Variants in ZC3H3 observed in about 807,000 individuals in gnomAD.
The protein encoded by ZC3H3 is zinc finger CCCH domain-containing protein 3.
A neutral mutation model predicts 77.3 loss-of-function variants in ZC3H3; 36 were observed. That is an observed-to-expected ratio of 0.47 (90% CI 0.36 to 0.61). The LOEUF is 0.61. Among genes scored for constraint, ZC3H3 ranks in the 20% least tolerant of loss-of-function variants. The pLI is 0.00. For synonymous variants in ZC3H3, 626 were observed against 555.2 expected, an observed-to-expected ratio of 1.13 and a Z score of -1.79; for missense variants, 1,331 against 1,312.2, an observed-to-expected ratio of 1.01 and a Z score of -0.22.
chr8:143,522,394 G>A (rs140536446), intron 3 of ZC3H3, among the ~76,000 whole-genome samples: 3 of 152,220 alleles, frequency 2.0e-5, no homozygotes, highest in Non-Finnish European at 4.4e-5. Context: ...CCTGAGGTCA[G>A]GAGTTCGAGA....
intron 9 of ZC3H3, among the ~76,000 whole-genome samples, chr8:143,465,300 C>A (rs573988422): frequency 6.7e-6 from 1 of 150,370 alleles, no homozygotes; most frequent in African/African-American, 2.5e-5. Flanking sequence ...CCCGTCCACC[C>A]CCTGCCTTCC....
intron 4 of ZC3H3, chr8:143,484,416 A>G (rs1007328235): frequency 1.3e-5 from 2 of 153,584 alleles, no homozygotes; most frequent in Admixed American, 6.5e-5. Context: ...GCTCACATCT[A>G]TTCAATTGGT....
At chr8:143,540,968 G>C (rs568273311) in intron 1 of ZC3H3, among the ~76,000 whole-genome samples, 1 of 152,324 alleles carries the variant, frequency 6.6e-6, no homozygotes, top group African/African-American at 2.4e-5. Flanking sequence ...AAAAAACCGG[G>C]CGTCAAGGAA....
At chr8:143,470,281 G>T (rs1820527590) in intron 5 of ZC3H3, among the ~76,000 whole-genome samples, 1 of 152,258 alleles carries the variant, frequency 6.6e-6, no homozygotes, top group East Asian at 1.9e-4. Context: ...TGAGTGGCCA[G>T]CGAGCCCGGC....
intron 3 of ZC3H3, among the ~76,000 whole-genome samples, chr8:143,516,955 C>T (rs747652513): frequency 1.7e-4 from 26 of 152,316 alleles, no homozygotes; most frequent in African/African-American, 2.9e-4. Flanking sequence ...CGCTGTCAGC[C>T]GCCCTGTCCC....
At position 143,536,339 on chromosome 8, in the gene ZC3H3, G is replaced by A; in HGVS notation, c.1479C>T (p.Thr493=). 1.9e-6 allele frequency: 3 copies of A among 1,610,416 alleles called. No homozygotes were observed. Among genetic ancestry groups the A allele is most frequent in the Non-Finnish European group, 2.5e-6 (3 of 1,178,836 alleles). Residue 493 remains threonine (T), a synonymous_variant, in exon 3 of 12, where the codon ACC becomes ACT. Transcript: ENST00000262577. ...TGACCTGTACCAGGCCCTTGTTGGG[G>A]GTCTTCTTCAGGACAGGGCTGCTCT... The part of the protein sequence containing the change: ...RGKSSPVLKK[T]PNKGLVQVTT...
chr8:143,438,451 G>A (rs1445968827), intron 11 of ZC3H3, among the ~76,000 whole-genome samples: 1 of 152,190 alleles, frequency 6.6e-6, no homozygotes, highest in Non-Finnish European at 1.5e-5. Flanking sequence ...CACAGCACCA[G>A]ACTGCCCTGC....
rs1822574788 is a variant in ZC3H3, at chr8:143,530,705, G to A, written c.1561+5552C>T. 6.6e-6 allele frequency among the ~76,000 whole-genome samples: 1 copy of A among 152,174 alleles called. No homozygotes were observed. Among genetic ancestry groups the A allele is most frequent in the African/African-American group, 2.4e-5 (1 of 41,442 alleles). ...CTGGCCCCACTTCCCCCGCACCACA[G>A]TGAGAGCCTGGCCACAGTGCTCAGC... On this transcript the variant is annotated intron_variant, in intron 3 of 11. Transcript: ENST00000262577. The surrounding 1 kb of genome is among the most constrained non-coding windows in gnomAD (Gnocchi z 4.3).
chr8:143,516,428 C>A (rs1822045150), intron 3 of ZC3H3, among the ~76,000 whole-genome samples: 1 of 151,980 alleles, frequency 6.6e-6, no homozygotes, highest in Non-Finnish European at 1.5e-5. Flanking sequence ...AGAGCAGAGA[C>A]CTGCTCGCTG....
Position 143,536,605 on chromosome 8 carries a change from CA to C in ZC3H3, c.1365-153del. Reference sequence around the variant, plus strand: ...TTTCTGGACCCTGCCTCCCTCAGCCCATGGCGGCCCTGCCCACCCTCCACAG... The same window carrying C: ...TTTCTGGACCCTGCCTCCCTCAGCCCTGGCGGCCCTGCCCACCCTCCACAG... On this transcript the variant is annotated intron_variant, in intron 2 of 11. Coordinates refer to ENST00000262577, the MANE Select transcript of ZC3H3 (RefSeq NM_015117.3). The C allele has an allele frequency of 7.6e-6, 6 of 785,906 alleles. No individual in the cohort carries two copies. In the South Asian group the frequency reaches 1.3e-4, roughly 16 times the overall value. 48.7% of individuals were successfully genotyped at this position (785,906 alleles called of 1,614,324 possible). A position where few individuals can be genotyped will look rare whatever the true frequency, so the allele number is the denominator to read the frequency against.
At chr8:143,517,750 C>T (rs746230838) in intron 3 of ZC3H3, among the ~76,000 whole-genome samples, 5 of 152,158 alleles carry the variant, frequency 3.3e-5, no homozygotes, top group Admixed American at 6.5e-5. Flanking sequence ...GGAGCTCTGC[C>T]GGATTGAGAA....
In ZC3H3 at chr8:143,516,544, CACACACACACACACACACACACAT is replaced by C. The variant is rs1278814823; in HGVS notation, c.1562-8669_1562-8646del. On this transcript the variant is annotated intron_variant, in intron 3 of 11. Coordinates refer to ENST00000262577, the MANE Select transcript of ZC3H3 (RefSeq NM_015117.3). ...TTGCAATCACACACACACACACACA[CACACACACACACACACACACACAT>C]ACACACACACACTCACTCTCATGCA... Among the ~76,000 whole-genome samples, 405 of 142,076 alleles carry C rather than the reference CACACACACACACACACACACACAT, an allele frequency of 2.9e-3. 1 individual carries two copies. Among genetic ancestry groups the C allele is most frequent in the African/African-American group, 0.01 (378 of 36,564 alleles). 93.2% of individuals were successfully genotyped at this position (142,076 alleles called of 152,430 possible). A position where few individuals can be genotyped will look rare whatever the true frequency, so the allele number is the denominator to read the frequency against.
Position 143,440,916 on chromosome 8 carries a change from AG to A in ZC3H3, c.2492+19del, listed in dbSNP as rs1819723422. ...GGGGGCCACCCAGGCTCACATGCAC[AG>A]TGCCCACTGCCCCATCACCTGGGCC... On this transcript the variant is annotated intron_variant, in intron 10 of 11. Coordinates refer to ENST00000262577, the MANE Select transcript of ZC3H3 (RefSeq NM_015117.3). The A allele has an allele frequency of 7.1e-7, 1 of 1,408,790 alleles. No homozygotes were observed. The highest frequency in any genetic ancestry group is 2.8e-5 in the East Asian group (1 of 35,874). 87.3% of individuals were successfully genotyped at this position (1,408,790 alleles called of 1,614,324 possible). A position where few individuals can be genotyped will look rare whatever the true frequency, so the allele number is the denominator to read the frequency against.
At chr8:143,511,601 C>T (rs1339624344) in intron 3 of ZC3H3, among the ~76,000 whole-genome samples, 1 of 152,164 alleles carries the variant, frequency 6.6e-6, no homozygotes, top group Non-Finnish European at 1.5e-5. Flanking sequence ...GCTATCTGTC[C>T]AGCTCCCAGC....
rs746350351 is a variant in ZC3H3, at chr8:143,538,755, T to A, written c.612A>T (p.Ser204=). ...KEPGKPRMVK[S]VGSVGDSPRE... ...GGGGGCTGTCGCCCACACTGCCCAC[T>A]GACTTCACCATCCTGGGCTTACCAG... Residue 204 remains serine, a synonymous_variant, in exon 2 of 12, where the codon TCA becomes TCT. Coordinates refer to ENST00000262577, the MANE Select transcript of ZC3H3 (RefSeq NM_015117.3). 6.2e-7 allele frequency: 1 copy of A among 1,611,484 alleles called. No individual in the cohort carries two copies. Among genetic ancestry groups the A allele is most frequent in the Admixed American group, 1.7e-5 (1 of 60,002 alleles).
chr8:143,448,016 T>C (rs1454109775), intron 9 of ZC3H3, among the ~76,000 whole-genome samples: 2 of 152,156 alleles, frequency 1.3e-5, no homozygotes, highest in African/African-American at 2.4e-5. Context: ...TAATCCTAGC[T>C]ACTCAGCAGA....
chr8:143,519,747 A>C (rs1429048764), intron 3 of ZC3H3, among the ~76,000 whole-genome samples: 1 of 152,180 alleles, frequency 6.6e-6, no homozygotes. Context: ...TGGGGACAAC[A>C]GCCTGACCAG....
intron 3 of ZC3H3, among the ~76,000 whole-genome samples, chr8:143,519,254 C>T (rs928562277): frequency 6.6e-6 from 1 of 152,142 alleles, no homozygotes; most frequent in Non-Finnish European, 1.5e-5. Context: ...AGGCCCCCTA[C>T]CAGCTCCATT....
At chr8:143,471,410 G>A (rs1370990172) in intron 5 of ZC3H3, among the ~76,000 whole-genome samples, 3 of 152,244 alleles carry the variant, frequency 2.0e-5, no homozygotes, top group Non-Finnish European at 2.9e-5. Context: ...GAGGCCGGAC[G>A]TGCCAGGAAC....
Sources: allele counts gnomAD v4.1 joint callset (sites outside exome capture counted in the v4.1 genomes callset), GRCh38; gene constraint gnomAD v4.1.1; non-coding constraint Gnocchi (gnomAD v3.1); transcripts MANE v1.5; gene names NCBI Gene and HGNC (gene_info 2026-07-23, HGNC 2026-07-21).